CRACR2A: variants seen among roughly 807,000 people sequenced by gnomAD.
The protein encoded by CRACR2A is EF-hand calcium-binding domain-containing protein 4B.
A neutral mutation model predicts 90.5 loss-of-function variants in CRACR2A; 79 were observed. That is an observed-to-expected ratio of 0.87 (90% CI 0.73 to 1.05). The LOEUF (loss-of-function observed/expected upper bound fraction) is 1.05, where lower values mean the gene tolerates loss of function less well. CRACR2A is among the 50% of genes least tolerant of loss of function. The pLI is 0.00. For missense variants in CRACR2A, 823 were observed against 897.2 expected, an observed-to-expected ratio of 0.92 and a Z score of 1.06; for synonymous variants, 338 against 356.7, an observed-to-expected ratio of 0.95 and a Z score of 0.59.
At position 3,619,392 on chromosome 12, in the gene CRACR2A, T is replaced by C. The variant is rs373284465; in HGVS notation, c.1933-20A>G. 22 of 1,544,634 alleles carry C rather than the reference T, an allele frequency of 1.4e-5. No homozygotes were observed. In the East Asian group the frequency reaches 2.7e-4, roughly 19 times the overall value. On this transcript the variant is annotated intron_variant, in intron 17 of 19. Coordinates refer to ENST00000440314, the MANE Select transcript of CRACR2A (RefSeq NM_001144958.2). ...AGCTTCCTGCAGAACAGAAAATGTT[T>C]TCAACTGAGAGGGGTGTCATAGGAT...
intron 17 of CRACR2A, among the ~76,000 whole-genome samples, chr12:3,619,963 C>T (rs1340044906): frequency 6.6e-6 from 1 of 152,258 alleles, no homozygotes; most frequent in African/African-American, 2.4e-5. Flanking sequence ...GAGGCTGGCA[C>T]CACAGACCCC....
chr12:3,673,345 G>T, intron 7 of CRACR2A, 101 bp downstream of exon 7: 2 of 1,408,442 alleles, frequency 1.4e-6, no homozygotes, highest in Non-Finnish European at 1.9e-6. Context: ...GCAAAAGGAG[G>T]CATTGCACGA....
chr12:3,659,694 C>A (rs370343406), intron 7 of CRACR2A, 40 bp from the exon 8 acceptor site: 15 of 1,536,134 alleles, frequency 9.8e-6, no homozygotes, highest in Non-Finnish European at 1.4e-5. Flanking sequence ...TGAGGTTCCC[C>A]TACTCCACAG....
intron 10 of CRACR2A, among the ~76,000 whole-genome samples, chr12:3,650,423 G>A: frequency 6.6e-6 from 1 of 152,156 alleles, no homozygotes; most frequent in East Asian, 1.9e-4. Context: ...ACTTTCTCTG[G>A]CTCCTGCAGA....
intron 1 of CRACR2A, among the ~76,000 whole-genome samples, chr12:3,741,771 G>A (rs894877494): frequency 5.9e-5 from 9 of 152,300 alleles, no homozygotes; most frequent in Middle Eastern, 3.4e-3. Flanking sequence ...ACATCACATC[G>A]GCATTTGCAT....
chr12:3,743,016 G>GT lies in CRACR2A; in HGVS notation c.-386-9807dup, dbSNP rs1946551851. ...CAACAAGTACATATTAATCCATTTTGTTTTTTGTTTTATTGGCACTAAATC... is the reference window on the plus strand; with the variant it reads ...CAACAAGTACATATTAATCCATTTTGTTTTTTTGTTTTATTGGCACTAAATC... On this transcript the variant is annotated intron_variant, in intron 1 of 19. Coordinates refer to ENST00000440314, the MANE Select transcript of CRACR2A (RefSeq NM_001144958.2). Among the ~76,000 whole-genome samples, 7 of 152,154 alleles carry GT rather than the reference G, an allele frequency of 4.6e-5. No individual in the cohort carries two copies. In the South Asian group the frequency reaches 1.4e-3, roughly 32 times the overall value.
At position 3,627,750 on chromosome 12, in the gene CRACR2A, GCA is replaced by G. The variant is rs775871893; in HGVS notation, c.1736-46_1736-45del. ...CTGTCAGGGCTGCCCTGGGCCAGGGGCACCTCACTTCCAAATCAGGAAACAAT... is the reference window on the plus strand; with the variant it reads ...CTGTCAGGGCTGCCCTGGGCCAGGGGCCTCACTTCCAAATCAGGAAACAAT... On this transcript the variant is annotated intron_variant, in intron 15 of 19. Transcript: ENST00000440314. 52 of 1,519,778 alleles carry G rather than the reference GCA, an allele frequency of 3.4e-5. No homozygotes were observed. In the Admixed American group the frequency reaches 5.1e-4, roughly 15 times the overall value. The allele number at this position is 1,519,778 out of a possible 1,614,324, so 94.1% of individuals were successfully genotyped here. A position where few individuals can be genotyped will look rare whatever the true frequency, so the allele number is the denominator to read the frequency against.
At chr12:3,672,916 G>T in intron 7 of CRACR2A, 1 of 489,940 alleles carries the variant, frequency 2.0e-6, no homozygotes, top group Non-Finnish European at 2.7e-6. Flanking sequence ...ATTCAGCAGG[G>T]CTATAGGTCA....
intron 4 of CRACR2A, among the ~76,000 whole-genome samples, chr12:3,690,396 C>T (rs989345242): frequency 1.3e-5 from 2 of 152,142 alleles, no homozygotes; most frequent in Non-Finnish European, 2.9e-5. Flanking sequence ...TTCTTGATTT[C>T]TGTCTTAGTT....
rs565685547 is a variant in CRACR2A at position 3,638,250 on chromosome 12, G to C, written c.1476C>G (p.Ser492Arg). ...LLDGGFEQPL[S>R]KCSEEEEVSD... ...AGACCTCTTCCTCTTCTGAGCATTTGCTCAGGGGTTGCTCAAAGCCACCAT... is the reference window on the plus strand; with the variant it reads ...AGACCTCTTCCTCTTCTGAGCATTTCCTCAGGGGTTGCTCAAAGCCACCAT... The change falls in exon 14 of 20, where the codon AGC becomes AGG. Residue 492 changes from serine to arginine, a missense_variant. Ser to Arg is a moderately radical substitution (Grantham distance 110). Coordinates refer to ENST00000440314, the MANE Select transcript of CRACR2A (RefSeq NM_001144958.2). 6.4e-7 allele frequency: 1 copy of C among 1,551,692 alleles called. No homozygotes were observed. Among genetic ancestry groups the C allele is most frequent in the African/African-American group, 1.4e-5 (1 of 73,170 alleles).
chr12:3,675,813 C>A (rs1166882282), intron 6 of CRACR2A, among the ~76,000 whole-genome samples: 1 of 152,164 alleles, frequency 6.6e-6, no homozygotes, highest in Non-Finnish European at 1.5e-5. Context: ...TGACAAGGAA[C>A]CCTCAGGAGA....
chr12:3,649,705 T>C (rs935406921), intron 10 of CRACR2A, among the ~76,000 whole-genome samples: 8 of 152,032 alleles, frequency 5.3e-5, no homozygotes, highest in Admixed American at 4.6e-4. Context: ...TTTGTTTACA[T>C]CGATACCCTC....
intron 1 of CRACR2A, among the ~76,000 whole-genome samples, chr12:3,752,786 C>T (rs1021167506): frequency 6.6e-6 from 1 of 152,172 alleles, no homozygotes; most frequent in Non-Finnish European, 1.5e-5. Context: ...TCTCGGCTCT[C>T]CTCCAGTCCC....
chr12:3,624,459 A>G (rs1179762979), intron 17 of CRACR2A, among the ~76,000 whole-genome samples: 1 of 152,244 alleles, frequency 6.6e-6, no homozygotes, highest in Non-Finnish European at 1.5e-5. Flanking sequence ...CTGGTTGCCA[A>G]GGCAGAATGA....
At chr12:3,682,384 T>C (rs924981438) in intron 4 of CRACR2A, among the ~76,000 whole-genome samples, 1 of 152,166 alleles carries the variant, frequency 6.6e-6, no homozygotes, top group Non-Finnish European at 1.5e-5. Flanking sequence ...AGTTCACAGC[T>C]CACCTTAGGC....
In CRACR2A at chr12:3,618,170, CA is replaced by C. The variant is rs60389598; in HGVS notation, c.2034+1100del. On this transcript the variant is annotated intron_variant, in intron 18 of 19. Coordinates refer to ENST00000440314, the MANE Select transcript of CRACR2A (RefSeq NM_001144958.2). ...CGAGTCTTAGTTTTTTTTTCACTAA[CA>C]AAAAAAAAAAAGAAAAGAAAAGAGA... Among the ~76,000 whole-genome samples, 339 of 128,264 alleles carry C rather than the reference CA, an allele frequency of 2.6e-3. 1 individual carries two copies. Among genetic ancestry groups the C allele is most frequent in the Middle Eastern group, 0.024 (6 of 250 alleles). 84.1% of individuals were successfully genotyped at this position (128,264 alleles called of 152,430 possible). A position where few individuals can be genotyped will look rare whatever the true frequency, so the allele number is the denominator to read the frequency against.
chr12:3,695,762 C>T (rs1050105897), intron 4 of CRACR2A, among the ~76,000 whole-genome samples: 1 of 152,190 alleles, frequency 6.6e-6, no homozygotes, highest in African/African-American at 2.4e-5. Context: ...GTGAGTGACA[C>T]AAAGACTCAG....
At chr12:3,721,522 A>G (rs1946174912) in intron 2 of CRACR2A, among the ~76,000 whole-genome samples, 1 of 151,352 alleles carries the variant, frequency 6.6e-6, no homozygotes, top group South Asian at 2.1e-4. Flanking sequence ...TTGAGGTTGC[A>G]GTAAGTGAGC....
intron 2 of CRACR2A, among the ~76,000 whole-genome samples, chr12:3,725,558 A>G (rs117675562): frequency 9.7e-4 from 146 of 151,202 alleles, no homozygotes; most frequent in Admixed American, 3.0e-3. Context: ...ATCTGCAAAG[A>G]CTCTTTTTTC....
Sources: allele counts gnomAD v4.1 joint callset (sites outside exome capture counted in the v4.1 genomes callset), GRCh38; gene constraint gnomAD v4.1.1; transcripts MANE v1.5; gene names NCBI Gene and HGNC (gene_info 2026-07-23, HGNC 2026-07-21).